Variants in LRMDA observed in about 807,000 individuals in gnomAD.
LRMDA encodes the protein leucine-rich melanocyte differentiation-associated protein.
LRMDA carries 18 observed loss-of-function variants against 29.8 expected under a neutral mutation model. That is an observed-to-expected ratio of 0.60 (90% CI 0.42 to 0.90). The LOEUF is 0.90. Among genes scored for constraint, LRMDA ranks in the 40% least tolerant of loss-of-function variants. The pLI is 0.00. For synonymous variants in LRMDA, 125 were observed against 109.4 expected, an observed-to-expected ratio of 1.14 and a Z score of -0.89; for missense variants, 273 against 273.9, an observed-to-expected ratio of 1.00 and a Z score of 0.02.
chr10:76,170,168 C>T (rs1850809130), intron 5 of LRMDA, among the ~76,000 whole-genome samples: 2 of 152,198 alleles, frequency 1.3e-5, no homozygotes, highest in South Asian at 4.1e-4. Context: ...TAGGAACAGT[C>T]TCCTCACCAG....
intron 5 of LRMDA, among the ~76,000 whole-genome samples, chr10:76,120,390 G>T (rs1195344532): frequency 1.3e-5 from 2 of 151,982 alleles, no homozygotes; most frequent in East Asian, 3.9e-4. Flanking sequence ...ATTTTGCCAT[G>T]TTGGGCAGGC....
intron 2 of LRMDA, among the ~76,000 whole-genome samples, chr10:75,896,841 TTGTGTGTGTG>T (rs35428137): frequency 6.8e-6 from 1 of 147,438 alleles, no homozygotes; most frequent in African/African-American, 2.5e-5. Flanking sequence ...GAGTGTGCAT[TTGTGTGTGTG>T]TGTGTGTGTG....
intron 5 of LRMDA, among the ~76,000 whole-genome samples, chr10:76,255,918 T>G (rs939878482): frequency 6.6e-5 from 10 of 152,310 alleles, no homozygotes; most frequent in Admixed American, 3.3e-4. Flanking sequence ...GAATAACATA[T>G]GTAGTCAAGT....
chr10:75,620,199 T>A (rs1841164475), intron 2 of LRMDA, among the ~76,000 whole-genome samples: 1 of 152,202 alleles, frequency 6.6e-6, no homozygotes, highest in South Asian at 2.1e-4. Context: ...CAGTCCCTTT[T>A]TAGCTTACTT....
Position 76,149,058 on chromosome 10 carries a change from T to G in LRMDA, c.516+90275T>G, listed in dbSNP as rs76017086. On this transcript the variant is annotated intron_variant, in intron 5 of 6. Transcript: ENST00000611255. Reference sequence around the variant, plus strand: ...GTGTATATACATTTTCTCCAGCACTTCTTATTGTCCAATTTATTATTTTTG... The same window carrying G: ...GTGTATATACATTTTCTCCAGCACTGCTTATTGTCCAATTTATTATTTTTG... Among the ~76,000 whole-genome samples, 1,419 of 152,330 alleles carry G rather than the reference T, an allele frequency of 9.3e-3. 8 individuals are homozygous for G. The highest frequency in any genetic ancestry group is 0.015 in the Non-Finnish European group (1,041 of 68,032).
intron 5 of LRMDA, among the ~76,000 whole-genome samples, chr10:76,257,719 C>G (rs1407278324): frequency 7.2e-5 from 11 of 152,110 alleles, no homozygotes. Flanking sequence ...AATACTTTAT[C>G]AATTTCCTTT....
chr10:76,432,213 G>C (rs566954387), intron 6 of LRMDA, among the ~76,000 whole-genome samples: 1 of 152,110 alleles, frequency 6.6e-6, no homozygotes, highest in African/African-American at 2.4e-5. Flanking sequence ...CTGAAATGTC[G>C]TGGGTGTGGG....
chr10:76,357,325 A>C (rs1214801040), intron 6 of LRMDA, among the ~76,000 whole-genome samples: 1 of 152,214 alleles, frequency 6.6e-6, no homozygotes, highest in Non-Finnish European at 1.5e-5. Context: ...TTCTGGGTTT[A>C]AAGATGAGAA....
At position 76,559,135 on chromosome 10, in the gene LRMDA, A is replaced by G. The variant is rs1220247950; in HGVS notation, c.*1847A>G. ...AGGGCAGCTAGACGAGTCAGATGTC[A>G]TATCCAATCTAGCCACACATATATC... On this transcript the variant is annotated 3_prime_UTR_variant, in exon 7 of 7. Transcript: ENST00000611255. 6.6e-6 allele frequency: 1 copy of G among 152,242 alleles called. No homozygotes were observed. The highest frequency in any genetic ancestry group is 1.5e-5 in the Non-Finnish European group (1 of 68,052). The allele number at this position is 152,242 out of a possible 1,614,324, so 9.4% of individuals were successfully genotyped here.
chr10:76,396,096 T>C (rs1841780604), intron 6 of LRMDA, among the ~76,000 whole-genome samples: 2 of 152,212 alleles, frequency 1.3e-5, no homozygotes, highest in South Asian at 4.1e-4. Context: ...CCTGAACCTA[T>C]GGGCATGTTT....
At position 75,470,627 on chromosome 10, in the gene LRMDA, G is replaced by T. The variant is rs573227388; in HGVS notation, c.131+32133G>T. Among the ~76,000 whole-genome samples the T allele has an allele frequency of 4.6e-5, 7 of 152,334 alleles. No individual in the cohort carries two copies. The East Asian group carries it at 1.3e-3, about 29-fold the overall frequency. ...AGTGGTGGTATGGAGCAGGTAGTTG[G>T]TTGTGCTGGCTGTGGCGTGGATGAT... On this transcript the variant is annotated intron_variant, in intron 2 of 6. Coordinates refer to ENST00000611255, the MANE Select transcript of LRMDA (RefSeq NM_001305581.2).
At chr10:75,977,041 G>A (rs760999633) in intron 2 of LRMDA, among the ~76,000 whole-genome samples, 5 of 151,860 alleles carry the variant, frequency 3.3e-5, no homozygotes, top group Non-Finnish European at 7.4e-5. Context: ...CCCCATAACC[G>A]TAAATGGGGT....
intron 2 of LRMDA, among the ~76,000 whole-genome samples, chr10:75,845,863 G>A (rs1199033597): frequency 6.6e-6 from 1 of 152,112 alleles, no homozygotes; most frequent in African/African-American, 2.4e-5. Context: ...AGAAGAAGCT[G>A]GAAGTAAGAG....
intron 2 of LRMDA, among the ~76,000 whole-genome samples, chr10:75,703,325 A>G (rs751031696): frequency 8.5e-5 from 13 of 152,338 alleles, no homozygotes; most frequent in Non-Finnish European, 1.8e-4. Flanking sequence ...CTTAGCAGCA[A>G]TGAGGCAGAA....
chr10:75,961,846 T>A lies in LRMDA; in HGVS notation c.132-74162T>A, dbSNP rs1846772464. Among the ~76,000 whole-genome samples, 3 of 152,202 alleles carry A rather than the reference T, an allele frequency of 2.0e-5. No individual in the cohort carries two copies. The South Asian group carries it at 6.2e-4, about 32-fold the overall frequency. On this transcript the variant is annotated intron_variant, in intron 2 of 6. Transcript: ENST00000611255. ...AGGCTAGAAGCCCGAATTCAAGATG[T>A]CAGTCGGGTTACTTCCTTCTAGGCT...
chr10:75,511,812 C>T (rs1845228885), intron 2 of LRMDA, among the ~76,000 whole-genome samples: 1 of 152,174 alleles, frequency 6.6e-6, no homozygotes, highest in Non-Finnish European at 1.5e-5. Flanking sequence ...ATCATGAGCT[C>T]CCCACCAGAG....
chr10:75,542,001 T>A (rs1840023414), intron 2 of LRMDA, among the ~76,000 whole-genome samples: 1 of 152,246 alleles, frequency 6.6e-6, no homozygotes, highest in African/African-American at 2.4e-5. Context: ...GTATGTCAGC[T>A]GTTGCAGCTG....
chr10:75,441,992 GAA>G (rs1564772149), intron 2 of LRMDA, among the ~76,000 whole-genome samples: 1 of 152,216 alleles, frequency 6.6e-6, no homozygotes, highest in Admixed American at 6.5e-5. Flanking sequence ...GCAGTGAGAA[GAA>G]AGTCTCATTT....
Position 76,078,059 on chromosome 10 carries a change from G to T in LRMDA, c.516+19276G>T, listed in dbSNP as rs192829558. Among the ~76,000 whole-genome samples the T allele has an allele frequency of 2.4e-3, 279 of 115,624 alleles. 1 individual carries two copies. Among genetic ancestry groups the T allele is most frequent in the African/African-American group, 8.9e-3 (261 of 29,308 alleles). The allele number at this position is 115,624 out of a possible 152,430, so 75.9% of individuals were successfully genotyped here. A position where few individuals can be genotyped will look rare whatever the true frequency, so the allele number is the denominator to read the frequency against. On this transcript the variant is annotated intron_variant, in intron 5 of 6. Transcript: ENST00000611255. ...GGAGTCTCGCTCTGTCGCCCAGGCT[G>T]TATTGCAGTGGTGTGATCTCAGCTC...
Sources: gnomAD v4.1 joint callset for allele counts (sites outside exome capture counted in the v4.1 genomes callset) on GRCh38, gnomAD v4.1.1 for gene constraint, MANE v1.5 for transcripts, NCBI Gene and HGNC (gene_info 2026-07-23, HGNC 2026-07-21) for gene names.